PRKN: variants seen among roughly 807,000 people sequenced by gnomAD.
PRKN encodes the protein parkin RBR E3 ubiquitin protein ligase.
Under a neutral mutation model 59.5 loss-of-function variants are expected in PRKN, and 56 were observed. The ratio of observed to expected loss-of-function variants is 0.94; its 90% CI spans 0.76 to 1.18. The LOEUF (loss-of-function observed/expected upper bound fraction) is 1.18. Among genes scored for constraint, PRKN ranks in the 50% most tolerant of loss-of-function variants. The pLI is 0.00. For missense variants in PRKN, 657 were observed against 596.4 expected (o/e 1.10, Z -1.06); for synonymous variants, 250 against 222.1 (o/e 1.13, Z -1.12).
intron 3 of PRKN, among the ~76,000 whole-genome samples, chr6:162,219,497 G>T (rs889118764): frequency 6.6e-6 from 1 of 151,994 alleles, no homozygotes; most frequent in South Asian, 2.1e-4. Context: ...TTCTGCCAGA[G>T]ATGATTTTTA....
chr6:161,916,582 T>C (rs77821456), intron 6 of PRKN, among the ~76,000 whole-genome samples: 1,941 of 152,292 alleles, frequency 0.013, 42 homozygotes, highest in African/African-American at 0.042. Flanking sequence ...CTGGGCTCTT[T>C]TGGCATTTCC....
chr6:161,933,061 C>T (rs1779225156), intron 6 of PRKN, among the ~76,000 whole-genome samples: 1 of 152,148 alleles, frequency 6.6e-6, no homozygotes, highest in South Asian at 2.1e-4. Context: ...AGGCGGATCA[C>T]CTGATGTCAG....
chr6:161,469,561 G>GAGAGAGAGAA (rs1455596863), intron 9 of PRKN, among the ~76,000 whole-genome samples: 14 of 126,298 alleles, frequency 1.1e-4, no homozygotes, highest in African/African-American at 6.3e-4. Context: ...GAGAGAGAGA[G>GAGAGAGAGAA]AGAGAGAGAG....
chr6:161,740,372 A>G (rs930113541), intron 7 of PRKN, among the ~76,000 whole-genome samples: 7 of 152,066 alleles, frequency 4.6e-5, no homozygotes, highest in African/African-American at 1.7e-4. Context: ...TGAGGCCTGG[A>G]CCCCATTTCC....
At chr6:162,699,233 T>C (rs1027260955) in intron 1 of PRKN, among the ~76,000 whole-genome samples, 2 of 152,076 alleles carry the variant, frequency 1.3e-5, no homozygotes, top group Non-Finnish European at 2.9e-5. Flanking sequence ...TTGAAGAATA[T>C]GAAATCACTC....
intron 7 of PRKN, among the ~76,000 whole-genome samples, chr6:161,628,831 C>T (rs1783190381): frequency 6.6e-6 from 1 of 152,188 alleles, no homozygotes; most frequent in South Asian, 2.1e-4. Context: ...AATAGGCAGG[C>T]CCTTGAGGCA....
At chr6:162,664,031 C>T (rs1037944008) in intron 1 of PRKN, among the ~76,000 whole-genome samples, 1 of 151,940 alleles carries the variant, frequency 6.6e-6, no homozygotes, top group Admixed American at 6.6e-5. Flanking sequence ...GACCTGTCCT[C>T]GAAGTTCCTT....
At chr6:161,921,689 A>G (rs569272215) in intron 6 of PRKN, among the ~76,000 whole-genome samples, 3 of 152,266 alleles carry the variant, frequency 2.0e-5, no homozygotes, top group African/African-American at 7.2e-5. Flanking sequence ...ACAACACCTT[A>G]CTGCACTCAA....
intron 2 of PRKN, among the ~76,000 whole-genome samples, chr6:162,427,426 G>A (rs1208797389): frequency 6.6e-6 from 1 of 152,164 alleles, no homozygotes; most frequent in Non-Finnish European, 1.5e-5. Flanking sequence ...ATTCCCAATA[G>A]CATGAGAATA....
rs563874084 is a variant in PRKN at position 161,747,264 on chromosome 6, T to C, written c.871+38508A>G. 7.2e-5 allele frequency among the ~76,000 whole-genome samples: 11 copies of C among 152,310 alleles called. No individual in the cohort carries two copies. The South Asian group carries it at 2.3e-3, about 32-fold the overall frequency. On this transcript the variant is annotated intron_variant, in intron 7 of 11. Transcript: ENST00000366898. ...AATTGTCATCAATGCCTCCTTCCTCTCTTTGGAGATTTCTGTGACAGGGTA... is the reference window on the plus strand; with the variant it reads ...AATTGTCATCAATGCCTCCTTCCTCCCTTTGGAGATTTCTGTGACAGGGTA...
At chr6:161,858,857 A>ATTTTTTTTTTTTTTTTT (rs1491531194) in intron 6 of PRKN, among the ~76,000 whole-genome samples, 1 of 55,962 alleles carries the variant, frequency 1.8e-5, no homozygotes, top group Non-Finnish European at 4.0e-5. Context: ...GCACAGCTGT[A>ATTTTTTTTTTTTTTTTT]CTTTTTTTTT....
intron 2 of PRKN, among the ~76,000 whole-genome samples, chr6:162,437,988 T>A (rs1789862157): frequency 6.6e-6 from 1 of 152,262 alleles, no homozygotes; most frequent in Non-Finnish European, 1.5e-5. Flanking sequence ...TGTCATTTTT[T>A]ATGAAACTGC....
At position 161,462,586 on chromosome 6, in the gene PRKN, A is replaced by C. The variant is rs1411112309; in HGVS notation, c.1084-75709T>G. On this transcript the variant is annotated intron_variant, in intron 9 of 11. Transcript: ENST00000366898. The surrounding 1 kb of genome is among the most constrained non-coding windows in gnomAD (Gnocchi z 4.5). Reference sequence around the variant, plus strand: ...TGATGTCTGATCAGCAATATAGCTCACCCTTATTTTAAAAGGTCTACTTTG... The same window carrying C: ...TGATGTCTGATCAGCAATATAGCTCCCCCTTATTTTAAAAGGTCTACTTTG... Among the ~76,000 whole-genome samples, 1 of 152,014 alleles carries C rather than the reference A, an allele frequency of 6.6e-6. No individual in the cohort carries two copies.
intron 9 of PRKN, among the ~76,000 whole-genome samples, chr6:161,495,247 C>T (rs375196277): frequency 3.0e-4 from 45 of 152,270 alleles, no homozygotes; most frequent in Admixed American, 2.7e-3. Context: ...GCTCCAAGGA[C>T]GCTGGCTAGT....
chr6:162,027,561 C>T (rs181373017), intron 5 of PRKN, among the ~76,000 whole-genome samples: 1 of 152,318 alleles, frequency 6.6e-6, no homozygotes, highest in Non-Finnish European at 1.5e-5. Context: ...TCAGCAATTT[C>T]TTCAAGAGCA....
intron 7 of PRKN, among the ~76,000 whole-genome samples, chr6:161,763,759 T>C (rs1789306945): frequency 1.3e-5 from 2 of 152,202 alleles, no homozygotes; most frequent in African/African-American, 4.8e-5. Context: ...ATGGATTCCA[T>C]GATACCACTC....
intron 3 of PRKN, among the ~76,000 whole-genome samples, chr6:162,216,500 G>A (rs894166370): frequency 3.1e-5 from 4 of 129,522 alleles, no homozygotes; most frequent in Non-Finnish European, 4.6e-5. Context: ...ACTGCAGTCC[G>A]CAGTCCGGCC....
chr6:162,492,111 T>G (rs908896596), intron 1 of PRKN, among the ~76,000 whole-genome samples: 1 of 152,172 alleles, frequency 6.6e-6, no homozygotes, highest in African/African-American at 2.4e-5. Context: ...TCTTTTGGTC[T>G]CCTCTTCTGT....
chr6:162,358,879 G>A (rs376971886), intron 2 of PRKN, among the ~76,000 whole-genome samples: 56 of 151,676 alleles, frequency 3.7e-4, no homozygotes, highest in African/African-American at 1.4e-3. Flanking sequence ...GGCCAACATG[G>A]TGAAACCTCC....
Sources: allele counts gnomAD v4.1 joint callset (sites outside exome capture counted in the v4.1 genomes callset), GRCh38; gene constraint gnomAD v4.1.1; non-coding constraint Gnocchi (gnomAD v3.1); transcripts MANE v1.5; gene names NCBI Gene and HGNC (gene_info 2026-07-23, HGNC 2026-07-21).